Variants in PLA2G5 observed in about 807,000 individuals in gnomAD.
The protein encoded by PLA2G5 is Ca2+-dependent phospholipase A2.
A neutral mutation model predicts 15.9 loss-of-function variants in PLA2G5; 12 were observed. The observed-to-expected ratio is 0.76, with a 90% CI of 0.48 to 1.23. PLA2G5 has a LOEUF of 1.23. PLA2G5 is among the 50% of genes most tolerant of loss of function. The probability of loss-of-function intolerance (pLI) is 0.00; values close to 1 mark genes in which losing one functional copy is unlikely to be tolerated. For missense variants in PLA2G5, 169 were observed against 177.1 expected (o/e 0.95, Z 0.26); for synonymous variants, 71 against 71.4 (o/e 0.99, Z 0.03).
At chr1:20,078,676 C>A (rs2015831904) in intron 1 of PLA2G5, among the ~76,000 whole-genome samples, 1 of 152,162 alleles carries the variant, frequency 6.6e-6, no homozygotes, top group African/African-American at 2.4e-5. Flanking sequence ...TCACAGGGTT[C>A]TTCCGGGAGC....
intron 1 of PLA2G5, among the ~76,000 whole-genome samples, chr1:20,035,702 A>G (rs950575100): frequency 6.6e-6 from 1 of 152,222 alleles, no homozygotes; most frequent in Non-Finnish European, 1.5e-5. Flanking sequence ...AGTAGAGCAT[A>G]TAGGTCATTT....
intron 3 of PLA2G5, among the ~76,000 whole-genome samples, chr1:20,088,381 C>G (rs1234651794): frequency 6.7e-6 from 1 of 148,382 alleles, no homozygotes; most frequent in Admixed American, 6.7e-5. Context: ...AAAGGCAAGA[C>G]AATGAAATGT....
At chr1:20,060,005 C>T (rs1443082785) in intron 2 of PLA2G5, among the ~76,000 whole-genome samples, 1 of 152,118 alleles carries the variant, frequency 6.6e-6, no homozygotes, top group Non-Finnish European at 1.5e-5. Flanking sequence ...CTGGAGAATA[C>T]TGTAACCACT....
intron 1 of PLA2G5, among the ~76,000 whole-genome samples, chr1:20,076,446 C>T (rs1466957703): frequency 6.6e-6 from 1 of 152,120 alleles, no homozygotes; most frequent in Non-Finnish European, 1.5e-5. Flanking sequence ...TGTGAAAATC[C>T]CAATCATTAT....
At chr1:20,033,785 A>G (rs1284141577) in intron 1 of PLA2G5, among the ~76,000 whole-genome samples, 2 of 151,838 alleles carry the variant, frequency 1.3e-5, no homozygotes, top group Non-Finnish European at 2.9e-5. Flanking sequence ...TTTTTTTTAA[A>G]GTTTTTAAAG....
In PLA2G5 at chr1:20,033,772, AT is replaced by A. The variant is rs796550026; in HGVS notation, n.276+5073del. The stretch of plus-strand genomic sequence containing the variant: ...CCAGTGCTGGGGTCATTAAAAGGGC[AT>A]TTTTTTTTTAAAGTTTTTAAAGTGG... On this transcript the variant is annotated intron_variant and non_coding_transcript_variant, in intron 1 of 6. Coordinates refer to the PLA2G5 transcript ENST00000460175. Among the ~76,000 whole-genome samples, 49 of 149,184 alleles carry A rather than the reference AT, an allele frequency of 3.3e-4. No homozygotes were observed. The East Asian group carries it at 3.6e-3, about 11-fold the overall frequency.
intron 1 of PLA2G5, among the ~76,000 whole-genome samples, chr1:20,029,400 T>TTCCTCCGCTGATATGC (rs2100246407): frequency 6.6e-6 from 1 of 151,462 alleles, no homozygotes; most frequent in South Asian, 2.1e-4. Flanking sequence ...CGCTGATATG[T>TTCCTCCGCTGATATGC]TCCTCCGCTG....
At chr1:20,059,391 C>T (rs541238633) in intron 1 of PLA2G5, among the ~76,000 whole-genome samples, 38 of 151,928 alleles carry the variant, frequency 2.5e-4, no homozygotes, top group Non-Finnish European at 4.6e-4. Context: ...TTGCCTCACT[C>T]CAGCCTGGGT....
chr1:20,040,223 C>T (rs373392996), intron 1 of PLA2G5, among the ~76,000 whole-genome samples: 1 of 152,126 alleles, frequency 6.6e-6, no homozygotes, highest in Non-Finnish European at 1.5e-5. Flanking sequence ...TATACCCAGG[C>T]ACTGTAATCT....
chr1:20,081,796 G>A (rs1025302317), intron 1 of PLA2G5, among the ~76,000 whole-genome samples: 2 of 151,864 alleles, frequency 1.3e-5, no homozygotes, highest in African/African-American at 2.4e-5. Flanking sequence ...TCTCATGGCT[G>A]TAATCCCAGC....
chr1:20,082,419 G>C (rs1009897063), intron 1 of PLA2G5, among the ~76,000 whole-genome samples: 1 of 151,780 alleles, frequency 6.6e-6, no homozygotes, highest in African/African-American at 2.4e-5. Context: ...GTCCCTAGCA[G>C]GTCATATACC....
Position 20,091,244 on chromosome 1 carries a change from A to T in PLA2G5, c.*552A>T, listed in dbSNP as rs1208257126. Reference sequence around the variant, plus strand: ...TGCCACTGGGGCAATAAACCCAAAGATGTCTACATTATCTCCGAAACAGAA... The same window carrying T: ...TGCCACTGGGGCAATAAACCCAAAGTTGTCTACATTATCTCCGAAACAGAA... On this transcript the variant is annotated 3_prime_UTR_variant, in exon 5 of 5. Coordinates refer to ENST00000375108, the MANE Select transcript of PLA2G5 (RefSeq NM_000929.3). 6.6e-6 allele frequency: 1 copy of T among 152,564 alleles called. No homozygotes were observed. Among genetic ancestry groups the T allele is most frequent in the Non-Finnish European group, 1.5e-5 (1 of 68,298 alleles). 9.5% of individuals were successfully genotyped at this position (152,564 alleles called of 1,614,324 possible).
At chr1:20,071,087 G>T (rs192134509) in intron 1 of PLA2G5, 4 of 152,162 alleles carry the variant, frequency 2.6e-5, no homozygotes, top group Non-Finnish European at 1.5e-5. Flanking sequence ...GGACAACTCC[G>T]AGCTTTGTCA....
chr1:20,040,319 CT>C (rs1414229475), intron 1 of PLA2G5, among the ~76,000 whole-genome samples: 2 of 152,084 alleles, frequency 1.3e-5, no homozygotes, highest in Non-Finnish European at 2.9e-5. Flanking sequence ...AATGGAGAGT[CT>C]TATTCAGCCA....
At chr1:20,041,046 TG>T (rs1209740317) in intron 1 of PLA2G5, among the ~76,000 whole-genome samples, 1 of 152,232 alleles carries the variant, frequency 6.6e-6, no homozygotes, top group Non-Finnish European at 1.5e-5. Flanking sequence ...CAGTACCTCC[TG>T]AGGCTGTGTC....
At chr1:20,057,033 T>C (rs1165639392) in intron 1 of PLA2G5, among the ~76,000 whole-genome samples, 1 of 152,166 alleles carries the variant, frequency 6.6e-6, no homozygotes, top group Non-Finnish European at 1.5e-5. Context: ...TTTATTCCTT[T>C]AATGTCCATG....
At chr1:20,079,075 C>T (rs1239091295) in intron 1 of PLA2G5, among the ~76,000 whole-genome samples, 1 of 145,030 alleles carries the variant, frequency 6.9e-6, no homozygotes, top group African/African-American at 2.6e-5. Flanking sequence ...GATTGTGTCT[C>T]TGCACTCCAG....
intron 1 of PLA2G5, among the ~76,000 whole-genome samples, chr1:20,029,528 G>C (rs898628290): frequency 2.6e-5 from 4 of 152,138 alleles, no homozygotes; most frequent in Admixed American, 1.3e-4. Flanking sequence ...CACAAGATGG[G>C]GGCATGGCAG....
At chr1:20,078,235 C>T (rs746909511) in intron 1 of PLA2G5, among the ~76,000 whole-genome samples, 1 of 152,060 alleles carries the variant, frequency 6.6e-6, no homozygotes, top group South Asian at 2.1e-4. Flanking sequence ...AGGGCAAGCT[C>T]AAGGATGCAG....
Sources: gnomAD v4.1 joint callset for allele counts (sites outside exome capture counted in the v4.1 genomes callset) on GRCh38, gnomAD v4.1.1 for gene constraint, MANE v1.5 for transcripts, NCBI Gene and HGNC (gene_info 2026-07-23, HGNC 2026-07-21) for gene names.